The following TMEM147 variants were observed in gnomAD, a reference collection of about 807,000 sequenced individuals.
TMEM147 encodes transmembrane protein 147.
A neutral mutation model predicts 29.4 loss-of-function variants in TMEM147; 29 were observed. The ratio of observed to expected loss-of-function variants is 0.99; its 90% confidence interval spans 0.73 to 1.34. The LOEUF is 1.34. Ranked by LOEUF, TMEM147 falls within the 40% of genes most tolerant of loss-of-function variation. The probability of loss-of-function intolerance (pLI) is 0.00; values close to 1 mark genes in which losing one functional copy is unlikely to be tolerated. For synonymous variants in TMEM147, 121 were observed against 111.8 expected, an observed-to-expected ratio of 1.08 and a Z score of -0.52; for missense variants, 260 against 289.4, an observed-to-expected ratio of 0.90 and a Z score of 0.74.
rs1005727157 is a variant in TMEM147 at position 35,546,790 on chromosome 19, C to T, written c.326C>T (p.Ala109Val). Residue 109 changes from alanine to valine, a missense_variant, in exon 4 of 7, where the codon GCT (alanine) becomes GTT (valine). Coordinates refer to ENST00000222284, the MANE Select transcript of TMEM147 (RefSeq NM_032635.4). Reference sequence around the variant, plus strand: ...GTTGCTGCCCTGGGCTGGGCCACTGCTGAGCTTATTATGTCCCGGTGCGTA... The same window carrying T: ...GTTGCTGCCCTGGGCTGGGCCACTGTTGAGCTTATTATGTCCCGGTGCGTA... The part of the protein sequence containing the change: ...IMVAALGWAT[A>V]ELIMSRCIPL... 1.2e-6 allele frequency: 2 copies of T among 1,614,114 alleles called. No homozygotes were observed. Among genetic ancestry groups the T allele is most frequent in the Non-Finnish European group, 1.7e-6 (2 of 1,180,054 alleles).
intron 2 of TMEM147, 87 bp downstream of exon 2, chr19:35,546,044 C>A: frequency 6.8e-7 from 1 of 1,467,178 alleles, no homozygotes; most frequent in South Asian, 1.2e-5. Flanking sequence ...GCGCCCCCGC[C>A]GCCCCACGGT....
At position 35,545,723 on chromosome 19, in the gene TMEM147, A is replaced by G. The variant is rs1376192323; in HGVS notation, c.-17A>G. ...GCCTCGCGATCCCCGCGCGGGCGGGACCGGGCGGCCGGCATCATGACCCTG... is the reference window on the plus strand; with the variant it reads ...GCCTCGCGATCCCCGCGCGGGCGGGGCCGGGCGGCCGGCATCATGACCCTG... On this transcript the variant is annotated 5_prime_UTR_variant, in exon 1 of 7. Coordinates refer to ENST00000222284, the MANE Select transcript of TMEM147 (RefSeq NM_032635.4). The G allele has an allele frequency of 1.2e-6, 2 of 1,607,616 alleles. No individual in the cohort carries two copies. Among genetic ancestry groups the G allele is most frequent in the South Asian group, 1.1e-5 (1 of 90,988 alleles).
chr19:35,546,381 T>G (rs2071557116), intron 2 of TMEM147, 145 bp from the exon 3 acceptor site: 1 of 916,398 alleles, frequency 1.1e-6, no homozygotes, highest in Non-Finnish European at 1.6e-6. Flanking sequence ...TCCTGTAATT[T>G]TGCCACCATC....
At position 35,546,604 on chromosome 19, in the gene TMEM147, G is replaced by A; in HGVS notation, c.207+19G>A. ...CATTGGGGTGAGAGGGGCCAGGGAA[G>A]GGAAGGGAGTTCAGGAATGGGGCTC... On this transcript the variant is annotated intron_variant, in intron 3 of 6. Transcript: ENST00000222284. 6.2e-7 allele frequency: 1 copy of A among 1,611,770 alleles called. No individual in the cohort carries two copies.
chr19:35,547,197 C>T lies in TMEM147; in HGVS notation c.508C>T (p.Leu170Phe). 1.2e-6 allele frequency: 2 copies of T among 1,614,162 alleles called. No individual in the cohort carries two copies. Among genetic ancestry groups the T allele is most frequent in the South Asian group, 1.1e-5 (1 of 91,080 alleles). ...DLYHTFRPAV[L>F]LLMFLSVYKA... ...GTACCACACCTTCCGGCCAGCTGTC[C>T]TCCTGCTGATGTTCCTCAGTGTCTA... The change falls in exon 6 of 7, where the codon CTC (leucine) becomes TTC (phenylalanine). Residue 170 changes from leucine (L) to phenylalanine (F), a missense_variant. By Grantham distance (22) the Leu-to-Phe change is conservative. Coordinates refer to ENST00000222284, the MANE Select transcript of TMEM147 (RefSeq NM_032635.4).
chr19:35,547,386 C>G lies in TMEM147; in HGVS notation c.614C>G (p.Thr205Arg). Residue 205 changes from threonine (T) to arginine (R), a missense_variant, in exon 7 of 7, where the codon ACG (threonine) becomes AGG (arginine). By Grantham distance (71) the Thr-to-Arg change is moderately conservative (BLOSUM62 -1). Transcript: ENST00000222284. ...GCTCTACTGGCCCGAGCAGTGGTAACGGGGCTGCTGGCCCTCAGCACTTTG... is the reference window on the plus strand; with the variant it reads ...GCTCTACTGGCCCGAGCAGTGGTAAGGGGGCTGCTGGCCCTCAGCACTTTG... The part of the protein sequence containing the change: ...WAALLARAVV[T>R]GLLALSTLAL... The G allele has an allele frequency of 6.2e-7, 1 of 1,613,892 alleles. No individual in the cohort carries two copies. The highest frequency in any genetic ancestry group is 8.5e-7 in the Non-Finnish European group (1 of 1,180,026).
rs1293139991 is a variant in TMEM147, at chr19:35,545,812, G to A, written c.73G>A (p.Gly25Ser). 1.9e-6 allele frequency: 3 copies of A among 1,613,892 alleles called. No individual in the cohort carries two copies. The highest frequency in any genetic ancestry group is 1.3e-5 in the African/African-American group (1 of 75,064). ...CTACTTCATCACCTACAAGTGCAGC[G>A]GCCTGTGAGTGCGGGAAGGGCGCGG... ...FPYFITYKCS[G>S]LSEYNAFWKC... The change falls in exon 1 of 7, where the codon GGC becomes AGC. Residue 25 changes from glycine (G) to serine (S), a missense_variant. Coordinates refer to ENST00000222284, the MANE Select transcript of TMEM147 (RefSeq NM_032635.4).
rs776430293 is a variant in TMEM147 at position 35,545,872 on chromosome 19, C to G, written c.78-16C>G. 3 of 1,613,928 alleles carry G rather than the reference C, an allele frequency of 1.9e-6. No individual in the cohort carries two copies. The South Asian group carries it at 3.3e-5, about 18-fold the overall frequency. ...GGCGCGGGGCCCGGGCCGACCCTCACCTCCCGCTTCTCCAGGTCCGAGTAC... is the reference window on the plus strand; with the variant it reads ...GGCGCGGGGCCCGGGCCGACCCTCAGCTCCCGCTTCTCCAGGTCCGAGTAC... On this transcript the variant is annotated splice_polypyrimidine_tract_variant and intron_variant, in intron 1 of 6. Coordinates refer to ENST00000222284, the MANE Select transcript of TMEM147 (RefSeq NM_032635.4).
Position 35,547,316 on chromosome 19 carries a change from T to C in TMEM147, c.552-8T>C, listed in dbSNP as rs941702525. ...GTCTCCCTTCCTTATTGTGACATTT[T>C]CCTGCAGGACCTTCGTCCACCTCTG... On this transcript the variant is annotated splice_polypyrimidine_tract_variant and splice_region_variant and intron_variant, in intron 6 of 6. Coordinates refer to ENST00000222284, the MANE Select transcript of TMEM147 (RefSeq NM_032635.4). 8 of 1,613,838 alleles carry C rather than the reference T, an allele frequency of 5.0e-6. No homozygotes were observed. In the Admixed American group the frequency reaches 1.0e-4, roughly 20 times the overall value.
chr19:35,547,261 G>T, intron 6 of TMEM147, 21 bp downstream of exon 6: 1 of 1,614,124 alleles, frequency 6.2e-7, no homozygotes, highest in Non-Finnish European at 8.5e-7. Flanking sequence ...TGGGGTTTAG[G>T]GCTGGGTCCA....
Position 35,545,672 on chromosome 19 carries a change from G to A in TMEM147, c.-68G>A. 6.4e-7 allele frequency: 1 copy of A among 1,561,948 alleles called. No individual in the cohort carries two copies. Among genetic ancestry groups the A allele is most frequent in the Non-Finnish European group, 8.7e-7 (1 of 1,153,550 alleles). ...TGGCCGTGGCGAAAGAGCCGGCGGA[G>A]CCGGAGACCCGCTCCCGGAGACGCC... On this transcript the variant is annotated 5_prime_UTR_variant, in exon 1 of 7. Transcript: ENST00000222284.
chr19:35,545,694 C>A lies in TMEM147; in HGVS notation c.-46C>A. Reference sequence around the variant, plus strand: ...GGAGCCGGAGACCCGCTCCCGGAGACGCCGCCTCGCGATCCCCGCGCGGGC... The same window carrying A: ...GGAGCCGGAGACCCGCTCCCGGAGAAGCCGCCTCGCGATCCCCGCGCGGGC... On this transcript the variant is annotated 5_prime_UTR_variant, in exon 1 of 7. Transcript: ENST00000222284. 2 of 1,594,330 alleles carry A rather than the reference C, an allele frequency of 1.3e-6. No homozygotes were observed.
chr19:35,547,321 C>T lies in TMEM147; in HGVS notation c.552-3C>T, dbSNP rs2071572755. On this transcript the variant is annotated splice_polypyrimidine_tract_variant and splice_region_variant and intron_variant, in intron 6 of 6. Coordinates refer to ENST00000222284, the MANE Select transcript of TMEM147 (RefSeq NM_032635.4). ...CCTTCCTTATTGTGACATTTTCCTG[C>T]AGGACCTTCGTCCACCTCTGCTCGC... 2 of 1,613,936 alleles carry T rather than the reference C, an allele frequency of 1.2e-6. No individual in the cohort carries two copies. The highest frequency in any genetic ancestry group is 2.7e-5 in the African/African-American group (2 of 75,040).
rs1474024808 is a variant in TMEM147 at position 35,547,460 on chromosome 19, A to T, written c.*13A>T. ...TGTGCACTCCTAGGCTTGGTGTCTC[A>T]GACATTGATGTACCTTTTCCCTGCC... On this transcript the variant is annotated 3_prime_UTR_variant, in exon 7 of 7. Coordinates refer to ENST00000222284, the MANE Select transcript of TMEM147 (RefSeq NM_032635.4). 1.2e-6 allele frequency: 2 copies of T among 1,611,340 alleles called. No homozygotes were observed. The highest frequency in any genetic ancestry group is 2.7e-5 in the African/African-American group (2 of 74,912).
At position 35,545,832 on chromosome 19, in the gene TMEM147, G is replaced by A; in HGVS notation, c.77+16G>A. 1 of 1,613,844 alleles carries A rather than the reference G, an allele frequency of 6.2e-7. No homozygotes were observed. The highest frequency in any genetic ancestry group is 8.5e-7 in the Non-Finnish European group (1 of 1,179,894). ...GCAGCGGCCTGTGAGTGCGGGAAGG[G>A]CGCGGGGCGGAGAGGGCGCGGGGCC... On this transcript the variant is annotated intron_variant, in intron 1 of 6. Coordinates refer to ENST00000222284, the MANE Select transcript of TMEM147 (RefSeq NM_032635.4).
Position 35,545,799 on chromosome 19 carries a change from C to T in TMEM147, c.60C>T (p.Thr20=). 1 of 1,613,928 alleles carries T rather than the reference C, an allele frequency of 6.2e-7. No homozygotes were observed. Among genetic ancestry groups the T allele is most frequent in the Non-Finnish European group, 8.5e-7 (1 of 1,179,916 alleles). The change falls in exon 1 of 7, where the codon ACC becomes ACT. Residue 20 remains threonine (T), a synonymous_variant. Coordinates refer to ENST00000222284, the MANE Select transcript of TMEM147 (RefSeq NM_032635.4). ...TTGCCTACTTCCCCTACTTCATCACCTACAAGTGCAGCGGCCTGTGAGTGC... is the reference window on the plus strand; with the variant it reads ...TTGCCTACTTCCCCTACTTCATCACTTACAAGTGCAGCGGCCTGTGAGTGC... ...FALAYFPYFI[T]YKCSGLSEYN...
chr19:35,546,833 GACCCCTGAGAAGGGAC>G (rs1189674857), intron 4 of TMEM147, 25 bp downstream of exon 4: 2 of 1,614,062 alleles, frequency 1.2e-6, no homozygotes, highest in Non-Finnish European at 1.7e-6. Flanking sequence ...CTGGAGCCCA[GACCCCTGAGAAGGGAC>G]ACCTGGGTTC....
chr19:35,547,286 A>G (rs933263973), intron 6 of TMEM147, 38 bp from the exon 7 acceptor site: 2 of 1,614,062 alleles, frequency 1.2e-6, no homozygotes, highest in African/African-American at 2.7e-5. Context: ...GGGGTGGGTT[A>G]TCTAGTCTCC....
At position 35,545,871 on chromosome 19, in the gene TMEM147, A is replaced by G. The variant is rs766167546; in HGVS notation, c.78-17A>G. ...GGGCGCGGGGCCCGGGCCGACCCTCACCTCCCGCTTCTCCAGGTCCGAGTA... is the reference window on the plus strand; with the variant it reads ...GGGCGCGGGGCCCGGGCCGACCCTCGCCTCCCGCTTCTCCAGGTCCGAGTA... On this transcript the variant is annotated splice_polypyrimidine_tract_variant and intron_variant, in intron 1 of 6. Coordinates refer to ENST00000222284, the MANE Select transcript of TMEM147 (RefSeq NM_032635.4). The G allele has an allele frequency of 2.5e-6, 4 of 1,613,650 alleles. No individual in the cohort carries two copies. The highest frequency in any genetic ancestry group is 1.7e-5 in the Admixed American group (1 of 60,004).
Sources: gnomAD v4.1 joint callset for allele counts on GRCh38, gnomAD v4.1.1 for gene constraint, MANE v1.5 for transcripts, NCBI Gene and HGNC (gene_info 2026-07-23, HGNC 2026-07-21) for gene names.